The following PHF2 variants were observed in gnomAD, a reference collection of about 807,000 sequenced individuals.
PHF2 encodes the protein PHD finger protein 2.
Under a neutral mutation model 120.5 loss-of-function variants are expected in PHF2, and 27 were observed. The ratio of observed to expected loss-of-function variants is 0.22; its 90% CI spans 0.17 to 0.31. The LOEUF (loss-of-function observed/expected upper bound fraction) is 0.31. PHF2 is among the 10% of genes least tolerant of loss of function. PHF2 has a pLI of 1.00. For missense variants in PHF2, 1,024 were observed against 1,434.8 expected (o/e 0.71, Z 4.63); for synonymous variants, 568 against 592.5 (o/e 0.96, Z 0.60).
At chr9:93,618,568 C>G (rs1825764477) in intron 1 of PHF2, among the ~76,000 whole-genome samples, 1 of 152,154 alleles carries the variant, frequency 6.6e-6, no homozygotes, top group African/African-American at 2.4e-5. Context: ...GGGTTTTCCA[C>G]CAAAAGGAAT....
chr9:93,664,099 G>A (rs1488445758), intron 14 of PHF2, among the ~76,000 whole-genome samples: 1 of 152,220 alleles, frequency 6.6e-6, no homozygotes, highest in Non-Finnish European at 1.5e-5. Context: ...AGTGTTAGAT[G>A]TTTGGCTCTT....
chr9:93,677,260 G>C lies in PHF2; in HGVS notation c.3202+297G>C, dbSNP rs976280244. The stretch of plus-strand genomic sequence containing the variant: ...CTGTGGGGACTGAGTGATGCAGCAC[G>C]GGGTGCTGGCAGTGGCTCCTGGCCT... On this transcript the variant is annotated intron_variant, in intron 21 of 21. Transcript: ENST00000359246. The surrounding 1 kb of genome is among the most constrained non-coding windows in gnomAD (Gnocchi z 4.4). Among the ~76,000 whole-genome samples, 2 of 151,228 alleles carry C rather than the reference G, an allele frequency of 1.3e-5. No individual in the cohort carries two copies. Among genetic ancestry groups the C allele is most frequent in the African/African-American group, 4.9e-5 (2 of 41,138 alleles).
rs1184887843 is a variant in PHF2 at position 93,663,035 on chromosome 9, T to G, written c.1818+9T>G. On this transcript the variant is annotated intron_variant, in intron 13 of 21. Coordinates refer to ENST00000359246, the MANE Select transcript of PHF2 (RefSeq NM_005392.4). ...CCAAGTGGAAGTACAAGGTGAGAAG[T>G]GCACATATGCATGCACACGTGTGTG... 1 of 1,613,850 alleles carries G rather than the reference T, an allele frequency of 6.2e-7. No individual in the cohort carries two copies. Among genetic ancestry groups the G allele is most frequent in the Non-Finnish European group, 8.5e-7 (1 of 1,179,928 alleles).
At chr9:93,584,324 G>T (rs1428369562) in intron 1 of PHF2, among the ~76,000 whole-genome samples, 1 of 152,146 alleles carries the variant, frequency 6.6e-6, no homozygotes, top group Non-Finnish European at 1.5e-5. Flanking sequence ...TACAATCCAA[G>T]ATTATAATTA....
chr9:93,614,494 G>A (rs1213574228), intron 1 of PHF2, among the ~76,000 whole-genome samples: 6 of 152,224 alleles, frequency 3.9e-5, no homozygotes, highest in Admixed American at 2.6e-4. Flanking sequence ...GGCTTGGGAG[G>A]AAGAAACTTT....
intron 5 of PHF2, among the ~76,000 whole-genome samples, chr9:93,651,904 C>T (rs1260764440): frequency 6.6e-6 from 1 of 152,142 alleles, no homozygotes; most frequent in Non-Finnish European, 1.5e-5. Context: ...TCATGAGGGC[C>T]CTTGTGGCAG....
intron 17 of PHF2, among the ~76,000 whole-genome samples, chr9:93,668,818 A>G (rs1215524023): frequency 2.0e-5 from 3 of 152,242 alleles, no homozygotes; most frequent in East Asian, 3.9e-4. Context: ...GCTAGGGGCC[A>G]CTGAGGCCGC....
Position 93,599,488 on chromosome 9 carries a change from G to C in PHF2, c.98+22617G>C, listed in dbSNP as rs1825396042. Among the ~76,000 whole-genome samples the C allele has an allele frequency of 3.3e-5, 5 of 152,222 alleles. No individual in the cohort carries two copies. The South Asian group carries it at 1.0e-3, about 31-fold the overall frequency. On this transcript the variant is annotated intron_variant, in intron 1 of 21. Transcript: ENST00000359246. ...AATGACAGTGGCAGAGGTGGTGCGA[G>C]GAGATGGAGTGCGTGGAGGTTGGAA...
chr9:93,653,471 A>G, intron 6 of PHF2, 106 bp downstream of exon 6: 1 of 1,190,236 alleles, frequency 8.4e-7, no homozygotes, highest in Non-Finnish European at 1.2e-6. Context: ...GCGACTCCCC[A>G]GAGGGCCCCT....
intron 3 of PHF2, among the ~76,000 whole-genome samples, chr9:93,640,900 A>T (rs1826162645): frequency 1.3e-5 from 2 of 152,146 alleles, no homozygotes; most frequent in Admixed American, 1.3e-4. Context: ...GGTGCCAGAG[A>T]TGTCAGCTTC....
intron 1 of PHF2, among the ~76,000 whole-genome samples, chr9:93,614,870 T>G (rs1825696537): frequency 1.4e-5 from 1 of 73,974 alleles, no homozygotes; most frequent in African/African-American, 3.8e-5. Flanking sequence ...GTGATGATGG[T>G]GACAGTGATG....
In PHF2 at chr9:93,677,561, T is replaced by G; in HGVS notation, c.3203-27T>G. The G allele has an allele frequency of 6.3e-7, 1 of 1,596,608 alleles. No individual in the cohort carries two copies. The highest frequency in any genetic ancestry group is 8.6e-7 in the Non-Finnish European group (1 of 1,165,006). Reference sequence around the variant, plus strand: ...CTTGCCATCTAGCTTACCTTCCCTTTTTGTGTCCCCTCCCCGACTCCCCTA... The same window carrying G: ...CTTGCCATCTAGCTTACCTTCCCTTGTTGTGTCCCCTCCCCGACTCCCCTA... On this transcript the variant is annotated intron_variant, in intron 21 of 21. Coordinates refer to ENST00000359246, the MANE Select transcript of PHF2 (RefSeq NM_005392.4). This position sits in a 1 kb window ranked among gnomAD's most constrained non-coding sequence, Gnocchi z 4.4.
chr9:93,593,274 G>A (rs965355402), intron 1 of PHF2, among the ~76,000 whole-genome samples: 3 of 152,084 alleles, frequency 2.0e-5, no homozygotes, highest in Non-Finnish European at 4.4e-5. Flanking sequence ...CACCTGCCAG[G>A]TCATTAATTA....
chr9:93,577,478 C>T (rs369432723), intron 1 of PHF2, among the ~76,000 whole-genome samples: 35 of 152,230 alleles, frequency 2.3e-4, no homozygotes, highest in African/African-American at 7.9e-4. Flanking sequence ...GACCTTGTCC[C>T]CGAGGGCAGG....
At chr9:93,619,683 C>T (rs1004179957) in intron 1 of PHF2, among the ~76,000 whole-genome samples, 4 of 152,318 alleles carry the variant, frequency 2.6e-5, no homozygotes, top group Admixed American at 6.5e-5. Flanking sequence ...GTGGCCCGTG[C>T]TCTATGCCTG....
chr9:93,675,444 G>A (rs1826891703), intron 19 of PHF2, among the ~76,000 whole-genome samples: 1 of 152,264 alleles, frequency 6.6e-6, no homozygotes, highest in South Asian at 2.1e-4. Context: ...CCCAGACTCT[G>A]ATGTTGCTGG....
intron 1 of PHF2, among the ~76,000 whole-genome samples, chr9:93,628,369 T>G (rs1479761950): frequency 2.6e-5 from 4 of 152,200 alleles, no homozygotes; most frequent in African/African-American, 7.2e-5. Flanking sequence ...ATTTTCTTTT[T>G]GGGGGAGGTT....
At chr9:93,602,288 T>C (rs1381123576) in intron 1 of PHF2, among the ~76,000 whole-genome samples, 1 of 138,328 alleles carries the variant, frequency 7.2e-6, no homozygotes, top group Non-Finnish European at 1.5e-5. Context: ...AATCTTGCTC[T>C]GTCACCCAGG....
chr9:93,661,125 A>G (rs1452267117), intron 12 of PHF2, among the ~76,000 whole-genome samples: 2 of 152,088 alleles, frequency 1.3e-5, no homozygotes, highest in Non-Finnish European at 2.9e-5. Flanking sequence ...GGTGGCCCTG[A>G]TAGTCTGAGC....
Sources: allele counts gnomAD v4.1 joint callset (sites outside exome capture counted in the v4.1 genomes callset), GRCh38; gene constraint gnomAD v4.1.1; non-coding constraint Gnocchi (gnomAD v3.1); transcripts MANE v1.5; gene names NCBI Gene and HGNC (gene_info 2026-07-23, HGNC 2026-07-21).